The following LOXL4 variants were observed in gnomAD, a reference collection of about 807,000 sequenced individuals.
The protein encoded by LOXL4 is lysyl oxidase like 4.
LOXL4 carries 72 observed loss-of-function variants against 89.1 expected under a neutral mutation model. That is an observed-to-expected ratio of 0.81 (90% CI 0.67 to 0.98). The LOEUF (loss-of-function observed/expected upper bound fraction) is 0.98, where lower values mean the gene tolerates loss of function less well. Among genes scored for constraint, LOXL4 ranks in the 50% least tolerant of loss-of-function variants. The pLI is 0.00. For synonymous variants in LOXL4, 355 were observed against 392.1 expected (o/e 0.91, Z 1.12); for missense variants, 984 against 1,017.5 (o/e 0.97, Z 0.45).
chr10:98,259,944 G>T (rs1313174500), intron 4 of LOXL4, among the ~76,000 whole-genome samples: 3 of 152,190 alleles, frequency 2.0e-5, no homozygotes, highest in Admixed American at 2.0e-4. Context: ...TGTTTCCTCA[G>T]AACGGGGTTC....
rs778544111 is a variant in LOXL4 at position 98,252,467 on chromosome 10, G to T, written c.1837C>A (p.His613Asn). 11 of 1,606,406 alleles carry T rather than the reference G, an allele frequency of 6.8e-6. No homozygotes were observed. The South Asian group carries it at 9.9e-5, about 14-fold the overall frequency. The part of the protein sequence containing the change: ...DSWVWHQCHR[H>N]YHSIEVFTHY... The stretch of plus-strand genomic sequence containing the variant: ...GTGAAGACCTCAATGCTGTGGTAAT[G>T]CCTGCAGAAGGGGTAGAGCTGTCAG... Residue 613 changes from histidine to asparagine, a missense_variant and splice_region_variant, in exon 12 of 15, where the codon CAT (histidine) becomes AAT (asparagine). Coordinates refer to ENST00000260702, the MANE Select transcript of LOXL4 (RefSeq NM_032211.7).
Position 98,251,069 on chromosome 10 carries a change from G to A in LOXL4, c.2196C>T (p.His732=). The A allele has an allele frequency of 1.2e-6, 2 of 1,612,760 alleles. No individual in the cohort carries two copies. Among genetic ancestry groups the A allele is most frequent in the Non-Finnish European group, 1.7e-6 (2 of 1,178,844 alleles). The change falls in exon 14 of 15, where the codon CAC becomes CAT. Residue 732 remains histidine, a synonymous_variant. Transcript: ENST00000260702. The stretch of plus-strand genomic sequence containing the variant: ...TCCACAGTGGCTCGGAGTTACCTGT[G>A]TGGCAGTTGTGCAGCCAGACCCGGT... ...DGHRVWLHNC[H]TGNSYPANAE... is the part of the protein sequence containing the mutation.
chr10:98,249,890 C>T (rs542912979), intron 14 of LOXL4, among the ~76,000 whole-genome samples: 3 of 152,306 alleles, frequency 2.0e-5, no homozygotes, highest in South Asian at 4.1e-4. Flanking sequence ...ACTGTTCTTC[C>T]TCTTCTCATT....
chr10:98,267,702 A>AC (rs1033031916), intron 1 of LOXL4, among the ~76,000 whole-genome samples: 1 of 150,776 alleles, frequency 6.6e-6, no homozygotes, highest in Admixed American at 6.6e-5. Context: ...TCACACGCCG[A>AC]CCCCCCAACA....
At chr10:98,265,159 C>T (rs2135848138) in intron 1 of LOXL4, among the ~76,000 whole-genome samples, 1 of 152,308 alleles carries the variant, frequency 6.6e-6, no homozygotes, top group Non-Finnish European at 1.5e-5. Context: ...TGCTTGAGAG[C>T]ACAGGCTGGG....
intron 14 of LOXL4, among the ~76,000 whole-genome samples, chr10:98,249,756 A>T (rs999574728): frequency 6.6e-6 from 1 of 152,176 alleles, no homozygotes; most frequent in African/African-American, 2.4e-5. Flanking sequence ...TGATTCTAGC[A>T]TTATGGAGGA....
At position 98,261,090 on chromosome 10, in the gene LOXL4, A is replaced by G; in HGVS notation, c.494T>C (p.Leu165Pro). Reference protein sequence around the residue: ...RLEEVRLKPILASAKQHSPVT... With the variant: ...RLEEVRLKPIPASAKQHSPVT... ...TGGGCTATGCTGCTTGGCACTGGCA[A>G]GGATGGGCTTGAGCCGCACCTCCTC... The change falls in exon 4 of 15, where the codon CTT becomes CCT. Residue 165 changes from leucine to proline, a missense_variant. Coordinates refer to ENST00000260702, the MANE Select transcript of LOXL4 (RefSeq NM_032211.7). 6.2e-7 allele frequency: 1 copy of G among 1,613,518 alleles called. No homozygotes were observed. Among genetic ancestry groups the G allele is most frequent in the Non-Finnish European group, 8.5e-7 (1 of 1,180,018 alleles).
At chr10:98,249,013 G>T (rs779011480) in intron 14 of LOXL4, 22 bp from the exon 15 acceptor site, 120 of 1,602,534 alleles carry the variant, frequency 7.5e-5, no homozygotes, top group Non-Finnish European at 1.0e-4. Context: ...AGGAAAACAG[G>T]TAAGTAGCCA....
Position 98,258,011 on chromosome 10 carries a change from C to T in LOXL4, c.1075G>A (p.Glu359Lys). The part of the protein sequence containing the change: ...CRQLGFGSAR[E>K]ALFGARLGQG... ...CCCAGCCGGGCCCCAAAGAGGGCCT[C>T]CCGAGCAGAGCCAAAGCCCAGCTGA... The change falls in exon 7 of 15, where the codon GAG becomes AAG. Residue 359 changes from glutamate (E) to lysine (K), a missense_variant. Transcript: ENST00000260702. 6.2e-7 allele frequency: 1 copy of T among 1,613,886 alleles called. No homozygotes were observed. Among genetic ancestry groups the T allele is most frequent in the Non-Finnish European group, 8.5e-7 (1 of 1,180,022 alleles).
chr10:98,267,477 G>A (rs4919191), intron 1 of LOXL4, among the ~76,000 whole-genome samples: 98,602 of 151,966 alleles, frequency 0.65, 32,140 homozygotes, highest in East Asian at 0.77. Context: ...CATGGGGGGT[G>A]CTGTCCTGAG....
rs764519103 is a variant in LOXL4 at position 98,256,810 on chromosome 10, G to A, written c.1398C>T (p.Leu466=). 91 of 1,614,166 alleles carry A rather than the reference G, an allele frequency of 5.6e-5. No homozygotes were observed. In the South Asian group the frequency reaches 8.6e-4, roughly 15 times the overall value. The change falls in exon 9 of 15, where the codon CTC becomes CTT. Residue 466 remains leucine (L), a synonymous_variant. Transcript: ENST00000260702. ...AGGCATGGATGGCAAAACCCAGGCC[G>A]AGCTGTCGGCAGGCCACCATGGCTT... The part of the protein sequence containing the change: ...LTEAMVACRQ[L]GLGFAIHAYK...
chr10:98,264,351 T>C (rs1858629048), intron 1 of LOXL4, among the ~76,000 whole-genome samples: 1 of 142,372 alleles, frequency 7.0e-6, no homozygotes, highest in East Asian at 2.1e-4. Context: ...GAGAAGAGGA[T>C]TAGGAAAGAG....
chr10:98,251,854 A>ACCACATTGTG lies in LOXL4; in HGVS notation c.1952-162_1952-153dup. On this transcript the variant is annotated intron_variant, in intron 12 of 14. Transcript: ENST00000260702. Reference sequence around the variant, plus strand: ...TGCTGTGAATCCAGCACCATAGCAAACCACATTGTGACAAAGATAGGATTT... The same window carrying ACCACATTGTG: ...TGCTGTGAATCCAGCACCATAGCAAACCACATTGTGCCACATTGTGACAAAGATAGGATTT... 3 of 909,074 alleles carry ACCACATTGTG rather than the reference A, an allele frequency of 3.3e-6. No individual in the cohort carries two copies. The South Asian group carries it at 5.4e-5, about 16-fold the overall frequency. 56.3% of individuals were successfully genotyped at this position (909,074 alleles called of 1,614,324 possible). A position where few individuals can be genotyped will look rare whatever the true frequency, so the allele number is the denominator to read the frequency against.
At position 98,258,150 on chromosome 10, in the gene LOXL4, G is replaced by A. The variant is rs767071023; in HGVS notation, c.936C>T (p.Arg312=). 4 of 1,611,872 alleles carry A rather than the reference G, an allele frequency of 2.5e-6. No homozygotes were observed. Among genetic ancestry groups the A allele is most frequent in the Non-Finnish European group, 3.4e-6 (4 of 1,179,144 alleles). ...CGCCCACCTGGGCCCCGGAGCGCAGGCGCACCCTCGGCTCCTGCTGGGAGA... is the reference window on the plus strand; with the variant it reads ...CGCCCACCTGGGCCCCGGAGCGCAGACGCACCCTCGGCTCCTGCTGGGAGA... ...KGSWAEEPRV[R]LRSGAQVGEG... is the part of the protein sequence containing the mutation. The change falls in exon 7 of 15, where the codon CGC becomes CGT. Residue 312 remains arginine, a synonymous_variant. Coordinates refer to ENST00000260702, the MANE Select transcript of LOXL4 (RefSeq NM_032211.7).
In LOXL4 at chr10:98,247,842, G is replaced by A. The variant is rs967830287; in HGVS notation, c.*1079C>T. 2.0e-5 allele frequency: 3 copies of A among 152,188 alleles called. No homozygotes were observed. Among genetic ancestry groups the A allele is most frequent in the Non-Finnish European group, 4.4e-5 (3 of 68,050 alleles). The allele number at this position is 152,188 out of a possible 1,614,324, so 9.4% of individuals were successfully genotyped here. A position where few individuals can be genotyped will look rare whatever the true frequency, so the allele number is the denominator to read the frequency against. ...TCCACTTGAGCAAGAGCAAATCAGAGCCCCATCAAGCAGGAATGGTGGCCT... is the reference window on the plus strand; with the variant it reads ...TCCACTTGAGCAAGAGCAAATCAGAACCCCATCAAGCAGGAATGGTGGCCT... On this transcript the variant is annotated 3_prime_UTR_variant, in exon 15 of 15. Transcript: ENST00000260702.
rs569588633 is a variant in LOXL4, at chr10:98,248,085, C to T, written c.*836G>A. On this transcript the variant is annotated 3_prime_UTR_variant, in exon 15 of 15. Transcript: ENST00000260702. ...ACCAATCCTGAGATGCGTGGTGATC[C>T]TGAGAGAGAGCAGACTGCCTGCCAG... 1 of 152,338 alleles carries T rather than the reference C, an allele frequency of 6.6e-6. No individual in the cohort carries two copies. The highest frequency in any genetic ancestry group is 1.9e-4 in the East Asian group (1 of 5,186). The allele number at this position is 152,338 out of a possible 1,614,324, so 9.4% of individuals were successfully genotyped here.
chr10:98,250,052 T>C (rs1259488998), intron 14 of LOXL4, among the ~76,000 whole-genome samples: 1 of 152,196 alleles, frequency 6.6e-6, no homozygotes, highest in Non-Finnish European at 1.5e-5. Flanking sequence ...CTCTAGTACT[T>C]AGTAAGTTTG....
At chr10:98,259,976 GC>G (rs1858493606) in intron 4 of LOXL4, among the ~76,000 whole-genome samples, 2 of 152,176 alleles carry the variant, frequency 1.3e-5, no homozygotes, top group South Asian at 4.1e-4. Context: ...TGCAACAAGG[GC>G]CTTCTAACCC....
Position 98,262,125 on chromosome 10 carries a change from G to T in LOXL4, c.366C>A (p.Cys122Ter). Residue 122 changes from cysteine (C) to a stop codon, truncating the protein, a stop_gained, in exon 3 of 15, where the codon TGC becomes TGA. Transcript: ENST00000260702. LOFTEE classifies it high-confidence loss of function. ...TCACCCCTACGTCTTCTGAGTGACT[G>T]CAGTCACTGACTCCCCAGCCATTAG... ...CGSNGWGVSD[C>*]SHSEDVGVIC... 1 of 1,613,286 alleles carries T rather than the reference G, an allele frequency of 6.2e-7. No homozygotes were observed. The highest frequency in any genetic ancestry group is 1.1e-5 in the South Asian group (1 of 91,036).
Sources: allele counts gnomAD v4.1 joint callset (sites outside exome capture counted in the v4.1 genomes callset), GRCh38; gene constraint gnomAD v4.1.1; transcripts MANE v1.5; gene names NCBI Gene and HGNC (gene_info 2026-07-23, HGNC 2026-07-21).